Variants in FGF7 observed in about 807,000 individuals in gnomAD.
FGF7 encodes FGF-7.
Under a neutral mutation model 20.5 loss-of-function variants are expected in FGF7, and 6 were observed. The ratio of observed to expected loss-of-function variants is 0.29; its 90% CI spans 0.16 to 0.58. FGF7 has a LOEUF of 0.58. FGF7 is among the 20% of genes least tolerant of loss of function. The pLI is 0.90. For synonymous variants in FGF7, 64 were observed against 74.7 expected (o/e 0.86, Z 0.74); for missense variants, 144 against 228.8 (o/e 0.63, Z 2.39).
In FGF7 at chr15:49,483,247, A is replaced by G; in HGVS notation, c.383A>G (p.Tyr128Cys). The G allele has an allele frequency of 1.3e-6, 2 of 1,524,556 alleles. No individual in the cohort carries two copies. Among genetic ancestry groups the G allele is most frequent in the Middle Eastern group, 2.3e-4 (1 of 4,292 alleles). 94.4% of individuals were successfully genotyped at this position (1,524,556 alleles called of 1,614,324 possible). A position where few individuals can be genotyped will look rare whatever the true frequency, so the allele number is the denominator to read the frequency against. Residue 128 changes from tyrosine (Y) to cysteine (C), a missense_variant, in exon 3 of 4, where the codon TAT becomes TGT. Transcript: ENST00000267843. The stretch of plus-strand genomic sequence containing the variant: ...GCAATGAACAAGGAAGGAAAACTCT[A>G]TGCAAAGGTATTGATAATTGATAGC... The part of the protein sequence containing the change: ...YLAMNKEGKL[Y>C]AKKECNEDCN...
chr15:49,465,001 A>G (rs746612840), intron 2 of FGF7, among the ~76,000 whole-genome samples: 9 of 152,232 alleles, frequency 5.9e-5, no homozygotes, highest in Non-Finnish European at 1.3e-4. Context: ...AAGAAACTAT[A>G]ATGTTATAAA....
At chr15:49,424,632 A>G (rs1000468210) in intron 2 of FGF7, 49 bp downstream of exon 2, 1 of 1,386,860 alleles carries the variant, frequency 7.2e-7, no homozygotes, top group Non-Finnish European at 9.7e-7. Flanking sequence ...CTGTTAATGG[A>G]TCAATTTTCA....
At chr15:49,478,249 A>G (rs2055547262) in intron 2 of FGF7, among the ~76,000 whole-genome samples, 2 of 152,098 alleles carry the variant, frequency 1.3e-5, no homozygotes, top group South Asian at 4.1e-4. Flanking sequence ...TTAATGATCT[A>G]TGATATTGAG....
intron 2 of FGF7, among the ~76,000 whole-genome samples, chr15:49,439,889 T>C (rs750188812): frequency 2.6e-5 from 4 of 151,712 alleles, no homozygotes; most frequent in South Asian, 2.1e-4. Flanking sequence ...CATGAGATCA[T>C]AGAGTCCAGA....
At chr15:49,434,092 T>A (rs2050862903) in intron 2 of FGF7, among the ~76,000 whole-genome samples, 1 of 151,462 alleles carries the variant, frequency 6.6e-6, no homozygotes, top group East Asian at 2.0e-4. Flanking sequence ...TCAATTCGTT[T>A]TAGTGCCAGT....
chr15:49,470,832 T>G (rs1233117808), intron 2 of FGF7, among the ~76,000 whole-genome samples: 4 of 152,216 alleles, frequency 2.6e-5, no homozygotes, highest in Admixed American at 2.6e-4. Context: ...GAAGTAGAAA[T>G]GCAGTGACAA....
At chr15:49,474,708 G>A (rs972488218) in intron 2 of FGF7, among the ~76,000 whole-genome samples, 1 of 152,168 alleles carries the variant, frequency 6.6e-6, no homozygotes. Context: ...CAGGAGATGA[G>A]CTGCGGGTGA....
intron 2 of FGF7, among the ~76,000 whole-genome samples, chr15:49,453,392 C>T (rs545158277): frequency 9.9e-5 from 15 of 152,180 alleles, no homozygotes; most frequent in Non-Finnish European, 1.9e-4. Flanking sequence ...GCATGCGCCA[C>T]CGTGCCTGGC....
chr15:49,435,798 A>C (rs1416136074), intron 2 of FGF7, among the ~76,000 whole-genome samples: 1 of 151,582 alleles, frequency 6.6e-6, no homozygotes, highest in Non-Finnish European at 1.5e-5. Flanking sequence ...AATTAATATT[A>C]CCACTAAAAT....
At chr15:49,433,990 C>G (rs1433702675) in intron 2 of FGF7, among the ~76,000 whole-genome samples, 3 of 151,622 alleles carry the variant, frequency 2.0e-5, no homozygotes, top group Non-Finnish European at 3.0e-5. Flanking sequence ...AATATTGATC[C>G]TGGAGTTGGT....
chr15:49,464,314 AAGAG>A (rs952291765), intron 2 of FGF7, among the ~76,000 whole-genome samples: 58 of 152,222 alleles, frequency 3.8e-4, no homozygotes, highest in African/African-American at 1.3e-3. Context: ...TGGTTCTTAA[AAGAG>A]AAACAGAAAA....
intron 2 of FGF7, among the ~76,000 whole-genome samples, chr15:49,436,460 C>T (rs1255858400): frequency 6.6e-6 from 1 of 151,516 alleles, no homozygotes; most frequent in Non-Finnish European, 1.5e-5. Context: ...AAAAATGAGA[C>T]ATTCTTAAGT....
At chr15:49,450,521 T>C (rs1447578103) in intron 2 of FGF7, among the ~76,000 whole-genome samples, 1 of 152,144 alleles carries the variant, frequency 6.6e-6, no homozygotes, top group Non-Finnish European at 1.5e-5. Context: ...AATAGCTCAA[T>C]GTGTAAACTT....
At chr15:49,467,151 T>C (rs2054335464) in intron 2 of FGF7, among the ~76,000 whole-genome samples, 1 of 152,150 alleles carries the variant, frequency 6.6e-6, no homozygotes, top group South Asian at 2.1e-4. Flanking sequence ...GTATTTAAAA[T>C]AAAGGGAGAA....
intron 2 of FGF7, among the ~76,000 whole-genome samples, chr15:49,470,480 C>T (rs1251225685): frequency 6.6e-6 from 1 of 152,112 alleles, no homozygotes; most frequent in Non-Finnish European, 1.5e-5. Flanking sequence ...TACAAAACCA[C>T]TATCACTTCA....
At chr15:49,481,184 T>C (rs762447732) in intron 2 of FGF7, among the ~76,000 whole-genome samples, 2 of 152,248 alleles carry the variant, frequency 1.3e-5, no homozygotes, top group Non-Finnish European at 2.9e-5. Flanking sequence ...CTATTCCATA[T>C]GTCTTTTAAA....
At chr15:49,474,998 AAG>A (rs1567349112) in intron 2 of FGF7, among the ~76,000 whole-genome samples, 3,344 of 151,932 alleles carry the variant, frequency 0.022, 145 homozygotes, top group African/African-American at 0.077. Flanking sequence ...CAAACTATAA[AAG>A]ATAGAATAAA....
chr15:49,481,233 A>T (rs1215341557), intron 2 of FGF7, among the ~76,000 whole-genome samples: 3 of 152,244 alleles, frequency 2.0e-5, no homozygotes, highest in African/African-American at 7.2e-5. Context: ...TTTTTGTCAT[A>T]AAAGTAATGG....
chr15:49,439,419 T>C (rs112726260), intron 2 of FGF7, among the ~76,000 whole-genome samples: 3,541 of 151,762 alleles, frequency 0.023, 87 homozygotes, highest in South Asian at 0.13. Flanking sequence ...CCTAGTAAAA[T>C]AGTAAAACGT....
Sources: gnomAD v4.1 joint callset for allele counts (sites outside exome capture counted in the v4.1 genomes callset) on GRCh38, gnomAD v4.1.1 for gene constraint, MANE v1.5 for transcripts, NCBI Gene and HGNC (gene_info 2026-07-23, HGNC 2026-07-21) for gene names.